Variants in IFI16 observed in about 807,000 individuals in gnomAD.
IFI16 encodes the protein interferon gamma inducible protein 16.
IFI16 carries 49 observed loss-of-function variants against 68.4 expected under a neutral mutation model. The ratio of observed to expected loss-of-function variants is 0.72; its 90% CI spans 0.57 to 0.91. The LOEUF is 0.91. Ranked by LOEUF, IFI16 falls within the 40% of genes least tolerant of loss-of-function variation. The pLI is 0.00. For missense variants in IFI16, 878 were observed against 942.9 expected (o/e 0.93, Z 0.90); for synonymous variants, 307 against 315.0 (o/e 0.97, Z 0.27).
chr1:159,028,540 G>A (rs570347934), intron 6 of IFI16, among the ~76,000 whole-genome samples: 7 of 152,060 alleles, frequency 4.6e-5, no homozygotes, highest in Admixed American at 4.6e-4. Context: ...TTTGTTGTAG[G>A]GTATAGTTTA....
intron 8 of IFI16, among the ~76,000 whole-genome samples, chr1:159,046,090 T>C: frequency 6.6e-6 from 1 of 151,376 alleles, no homozygotes; most frequent in East Asian, 1.9e-4. Flanking sequence ...TAAATTACTT[T>C]ATTGTACCAG....
At chr1:159,044,954 T>C (rs531621896) in intron 7 of IFI16, among the ~76,000 whole-genome samples, 2 of 152,028 alleles carry the variant, frequency 1.3e-5, no homozygotes, top group South Asian at 4.2e-4. Context: ...TGTCCATAAA[T>C]GTAGCCAACT....
rs913811389 is a variant in IFI16, at chr1:159,038,781, T to C, written c.1329+6090T>C. ...AAAAAGACAGGTGCTGGGAATGCCC[T>C]AGTGCAATTTGGAATGATCCTAATT... On this transcript the variant is annotated intron_variant, in intron 7 of 11. Coordinates refer to ENST00000295809, the MANE Select transcript of IFI16 (RefSeq NM_001376587.1). 3.3e-5 allele frequency among the ~76,000 whole-genome samples: 5 copies of C among 152,320 alleles called. 1 individual carries two copies. In the Middle Eastern group the frequency reaches 0.01, roughly 311 times the overall value.
Position 159,054,700 on chromosome 1 carries a change from A to G in IFI16, c.2278-121A>G, listed in dbSNP as rs1571903787. Reference sequence around the variant, plus strand: ...GATAGATGAGAGCGAGAAAAGAATCATTTAGAAAGGAATAGGGGAAGAGAT... The same window carrying G: ...GATAGATGAGAGCGAGAAAAGAATCGTTTAGAAAGGAATAGGGGAAGAGAT... On this transcript the variant is annotated intron_variant, in intron 11 of 11. Transcript: ENST00000295809. 6 of 558,758 alleles carry G rather than the reference A, an allele frequency of 1.1e-5. 1 individual carries two copies. In the East Asian group the frequency reaches 1.7e-4, roughly 16 times the overall value. 34.6% of individuals were successfully genotyped at this position (558,758 alleles called of 1,614,324 possible).
Position 159,016,446 on chromosome 1 carries a change from A to G in IFI16, c.382-87A>G, listed in dbSNP as rs1652928219. 4.9e-6 allele frequency: 6 copies of G among 1,215,998 alleles called. No homozygotes were observed. The East Asian group carries it at 1.5e-4, about 31-fold the overall frequency. 75.3% of individuals were successfully genotyped at this position (1,215,998 alleles called of 1,614,324 possible). A position where few individuals can be genotyped will look rare whatever the true frequency, so the allele number is the denominator to read the frequency against. ...GTTTCCAAGAAACATCTTCTTAGGAATAATAAAACTACTATCCAATAATGA... is the reference window on the plus strand; with the variant it reads ...GTTTCCAAGAAACATCTTCTTAGGAGTAATAAAACTACTATCCAATAATGA... On this transcript the variant is annotated intron_variant, in intron 3 of 11. Transcript: ENST00000295809.
intron 1 of IFI16, among the ~76,000 whole-genome samples, chr1:159,011,897 T>C (rs1652588293): frequency 6.6e-6 from 1 of 152,196 alleles, no homozygotes; most frequent in Non-Finnish European, 1.5e-5. Flanking sequence ...TGTCTTTACT[T>C]CAATTTATGA....
intron 10 of IFI16, 87 bp from the exon 11 acceptor site, chr1:159,053,446 A>T: frequency 1.0e-6 from 1 of 958,814 alleles, no homozygotes; most frequent in East Asian, 2.5e-5. Flanking sequence ...ATCAAAGACA[A>T]AAGTTTCCAG....
intron 7 of IFI16, among the ~76,000 whole-genome samples, chr1:159,044,419 A>G (rs1233508381): frequency 2.0e-5 from 3 of 152,174 alleles, no homozygotes; most frequent in Non-Finnish European, 2.9e-5. Flanking sequence ...TCCATAGTCC[A>G]GGTGCTCAGT....
upstream of IFI16, among the ~76,000 whole-genome samples, chr1:159,003,005 AG>A (rs1167048446): frequency 6.6e-6 from 1 of 152,258 alleles, no homozygotes; most frequent in Non-Finnish European, 1.5e-5. Flanking sequence ...ATCTACTTGT[AG>A]AATGATTTCA....
chr1:159,025,875 A>G (rs1459304471), intron 6 of IFI16, among the ~76,000 whole-genome samples: 6 of 152,186 alleles, frequency 3.9e-5, no homozygotes, highest in Non-Finnish European at 4.4e-5. Flanking sequence ...ATCCAGTTTC[A>G]TTCTTCTACT....
At chr1:159,015,624 T>C in intron 2 of IFI16, 2 of 342,190 alleles carry the variant, frequency 5.8e-6, no homozygotes. Flanking sequence ...AGGAAGCATG[T>C]GCTCAGTGCA....
At chr1:159,022,060 T>A (rs923198320) in intron 6 of IFI16, among the ~76,000 whole-genome samples, 2 of 145,044 alleles carry the variant, frequency 1.4e-5, no homozygotes, top group African/African-American at 5.1e-5. Context: ...GCCTCCCGGG[T>A]TCACGCCATT....
At chr1:159,005,027 C>T (rs1652201605), upstream of IFI16, among the ~76,000 whole-genome samples, 1 of 152,012 alleles carries the variant, frequency 6.6e-6, no homozygotes, top group Non-Finnish European at 1.5e-5. Flanking sequence ...GAGCTTGGGC[C>T]AAATGGGAGG....
intron 6 of IFI16, among the ~76,000 whole-genome samples, chr1:159,027,892 C>G (rs1242534277): frequency 6.6e-6 from 1 of 151,896 alleles, no homozygotes; most frequent in Non-Finnish European, 1.5e-5. Flanking sequence ...TTATTTTGAT[C>G]TTCTCTCTTC....
At chr1:159,019,532 C>T (rs1320037166) in intron 5 of IFI16, among the ~76,000 whole-genome samples, 1 of 151,140 alleles carries the variant, frequency 6.6e-6, no homozygotes. Flanking sequence ...GATCTCGGCT[C>T]ACTGCAACCT....
chr1:159,004,200 G>A (rs766590820), upstream of IFI16, among the ~76,000 whole-genome samples: 37 of 152,208 alleles, frequency 2.4e-4, no homozygotes, highest in Non-Finnish European at 4.3e-4. Context: ...AAGGATGGAT[G>A]TGGTGGCTTA....
intron 6 of IFI16, among the ~76,000 whole-genome samples, chr1:159,026,327 C>T (rs535784349): frequency 5.4e-5 from 8 of 147,434 alleles, no homozygotes; most frequent in African/African-American, 1.3e-4. Context: ...GACGAAGTCT[C>T]GCTCTTGTCC....
In IFI16 at chr1:159,020,426, A is replaced by G. The variant is rs759905608; in HGVS notation, c.1058A>G (p.Asn353Ser). 8 of 1,610,652 alleles carry G rather than the reference A, an allele frequency of 5.0e-6. No individual in the cohort carries two copies. In the East Asian group the frequency reaches 8.9e-5, roughly 18 times the overall value. Residue 353 changes from asparagine to serine, a missense_variant, in exon 6 of 12, where the codon AAT becomes AGT. Coordinates refer to ENST00000295809, the MANE Select transcript of IFI16 (RefSeq NM_001376587.1). ...GTAGTGGGGACAGGACAATGTCACA[A>G]TATCCCCTGTGAAGAAGGAGATAAG... The part of the protein sequence containing the change: ...MDVVGTGQCH[N>S]IPCEEGDKLQ...
chr1:159,054,549 T>C (rs1388873444), intron 11 of IFI16, among the ~76,000 whole-genome samples: 1 of 152,148 alleles, frequency 6.6e-6, no homozygotes, highest in African/African-American at 2.4e-5. Context: ...CCTTTCTCTC[T>C]CCTGTTGTTC....
Sources: gnomAD v4.1 joint callset for allele counts (sites outside exome capture counted in the v4.1 genomes callset) on GRCh38, gnomAD v4.1.1 for gene constraint, MANE v1.5 for transcripts, NCBI Gene and HGNC (gene_info 2026-07-23, HGNC 2026-07-21) for gene names.